NPFFR2: variants seen among roughly 807,000 people sequenced by gnomAD.
NPFFR2 encodes the protein G-protein coupled receptor 74.
A neutral mutation model predicts 13.1 loss-of-function variants in NPFFR2; 15 were observed. The observed-to-expected ratio is 1.15, with a 90% CI of 0.77 to 1.76. The LOEUF is 1.76. Among genes scored for constraint, NPFFR2 ranks in the 40% most tolerant of loss-of-function variants. The pLI is 0.00. For synonymous variants in NPFFR2, 190 were observed against 175.7 expected (o/e 1.08, Z -0.65); for missense variants, 572 against 503.5 (o/e 1.14, Z -1.30).
At chr4:72,086,664 A>T (rs1720781028) in intron 1 of NPFFR2, among the ~76,000 whole-genome samples, 2 of 152,260 alleles carry the variant, frequency 1.3e-5, no homozygotes, top group African/African-American at 4.8e-5. Flanking sequence ...GATTTACATT[A>T]GTTAGTTCTG....
chr4:72,143,544 G>A lies in NPFFR2; in HGVS notation c.429-3434G>A, dbSNP rs1281869704. 5.9e-5 allele frequency among the ~76,000 whole-genome samples: 9 copies of A among 152,116 alleles called. No individual in the cohort carries two copies. The East Asian group carries it at 9.6e-4, about 16-fold the overall frequency. Reference sequence around the variant, plus strand: ...CACTGGGAGGGCAATCCACTTTACCGAATCCACTGACTAAGATGCTAATCT... The same window carrying A: ...CACTGGGAGGGCAATCCACTTTACCAAATCCACTGACTAAGATGCTAATCT... On this transcript the variant is annotated intron_variant, in intron 3 of 3. Coordinates refer to ENST00000308744, the MANE Select transcript of NPFFR2 (RefSeq NM_004885.3).
intron 1 of NPFFR2, among the ~76,000 whole-genome samples, chr4:72,051,833 A>T (rs1377673729): frequency 6.6e-6 from 1 of 152,202 alleles, no homozygotes; most frequent in Non-Finnish European, 1.5e-5. Flanking sequence ...ATCCCACAGA[A>T]GTACAAACTA....
At chr4:72,088,708 C>T (rs901170461) in intron 1 of NPFFR2, among the ~76,000 whole-genome samples, 1 of 151,990 alleles carries the variant, frequency 6.6e-6, no homozygotes, top group African/African-American at 2.4e-5. Context: ...GAGGGAGTGC[C>T]ACTTTTAAAA....
At chr4:72,114,724 G>A (rs1274919970) in intron 1 of NPFFR2, among the ~76,000 whole-genome samples, 1 of 152,090 alleles carries the variant, frequency 6.6e-6, no homozygotes, top group Non-Finnish European at 1.5e-5. Context: ...TTCTATTAGA[G>A]TTTTGCTTTT....
At chr4:72,125,906 C>T (rs566129486) in intron 1 of NPFFR2, among the ~76,000 whole-genome samples, 1 of 152,296 alleles carries the variant, frequency 6.6e-6, no homozygotes, top group East Asian at 1.9e-4. Flanking sequence ...GACAGAGACA[C>T]TTGGGAAGCC....
intron 1 of NPFFR2, among the ~76,000 whole-genome samples, chr4:72,078,056 G>A (rs185975257): frequency 3.3e-5 from 5 of 152,050 alleles, no homozygotes; most frequent in Admixed American, 6.6e-5. Context: ...GAAATAAAAG[G>A]TATCTGCTCT....
In NPFFR2 at chr4:72,059,699, G is replaced by T. The variant is rs139027023; in HGVS notation, c.-8+27499G>T. On this transcript the variant is annotated intron_variant, in intron 1 of 3. Transcript: ENST00000308744. The stretch of plus-strand genomic sequence containing the variant: ...TCTATGGTGCTGTGAACCAAAGTGG[G>T]GTTTCTTCTAATTGCTGAGTATGGA... 5.3e-4 allele frequency among the ~76,000 whole-genome samples: 80 copies of T among 152,092 alleles called. 3 individuals are homozygous for T. In the East Asian group the frequency reaches 0.013, roughly 25 times the overall value.
At chr4:72,035,953 T>C (rs1719029415) in intron 1 of NPFFR2, among the ~76,000 whole-genome samples, 1 of 152,146 alleles carries the variant, frequency 6.6e-6, no homozygotes, top group Non-Finnish European at 1.5e-5. Flanking sequence ...AAGTCTCAGT[T>C]GATCCATATT....
chr4:72,033,138 G>A (rs1718968564), intron 1 of NPFFR2, among the ~76,000 whole-genome samples: 1 of 152,120 alleles, frequency 6.6e-6, no homozygotes, highest in South Asian at 2.1e-4. Flanking sequence ...TGTAAACTGT[G>A]AAGGACATAT....
intron 2 of NPFFR2, among the ~76,000 whole-genome samples, chr4:72,132,653 A>G (rs1221489410): frequency 9.2e-5 from 14 of 152,166 alleles, no homozygotes; most frequent in Admixed American, 9.2e-4. Context: ...CAATTTTGCC[A>G]ACATCTGTTA....
At chr4:72,050,859 C>T (rs562043395) in intron 1 of NPFFR2, among the ~76,000 whole-genome samples, 19 of 149,520 alleles carry the variant, frequency 1.3e-4, no homozygotes, top group African/African-American at 2.0e-4. Flanking sequence ...TGAGAATATG[C>T]GGTGTTTGGT....
intron 1 of NPFFR2, among the ~76,000 whole-genome samples, chr4:72,089,624 C>A (rs1333284444): frequency 6.6e-6 from 1 of 152,046 alleles, no homozygotes; most frequent in Non-Finnish European, 1.5e-5. Flanking sequence ...TGTATATCTT[C>A]TTTTGAGAGT....
chr4:72,115,750 T>C (rs1721696006), intron 1 of NPFFR2, among the ~76,000 whole-genome samples: 1 of 152,230 alleles, frequency 6.6e-6, no homozygotes, highest in African/African-American at 2.4e-5. Flanking sequence ...GCCTTTTGTG[T>C]TCTGGTCCTT....
At chr4:72,079,054 ACACACACAC>A (rs774922591) in intron 1 of NPFFR2, among the ~76,000 whole-genome samples, 514 of 49,682 alleles carry the variant, frequency 0.01, no homozygotes, top group Middle Eastern at 0.029. Context: ...ATAGAACTAA[ACACACACAC>A]ACACACACAC....
chr4:72,035,005 C>T (rs896008566), intron 1 of NPFFR2, among the ~76,000 whole-genome samples: 4 of 152,234 alleles, frequency 2.6e-5, no homozygotes, highest in African/African-American at 9.6e-5. Flanking sequence ...TTTAACTTCT[C>T]TATGTCTAAG....
intron 3 of NPFFR2, among the ~76,000 whole-genome samples, chr4:72,144,890 G>A (rs2109850080): frequency 6.6e-6 from 1 of 152,088 alleles, no homozygotes; most frequent in East Asian, 1.9e-4. Context: ...TTTGCCACTT[G>A]GAATACTGAG....
At chr4:72,142,598 A>G (rs1722665055) in intron 3 of NPFFR2, among the ~76,000 whole-genome samples, 1 of 152,330 alleles carries the variant, frequency 6.6e-6, no homozygotes, top group East Asian at 1.9e-4. Context: ...TTTAAAAGCA[A>G]CATACCTACT....
At chr4:72,051,582 G>T (rs1719583147) in intron 1 of NPFFR2, among the ~76,000 whole-genome samples, 1 of 150,406 alleles carries the variant, frequency 6.6e-6, no homozygotes, top group Non-Finnish European at 1.5e-5. Flanking sequence ...ACAATTGAAA[G>T]AACTAGAGAA....
intron 2 of NPFFR2, among the ~76,000 whole-genome samples, chr4:72,130,196 T>A (rs1722192608): frequency 6.6e-6 from 1 of 152,192 alleles, no homozygotes; most frequent in Non-Finnish European, 1.5e-5. Flanking sequence ...CCCACAATTA[T>A]GTCTTACCTG....
Sources: gnomAD v4.1 joint callset for allele counts (sites outside exome capture counted in the v4.1 genomes callset) on GRCh38, gnomAD v4.1.1 for gene constraint, MANE v1.5 for transcripts, NCBI Gene and HGNC (gene_info 2026-07-23, HGNC 2026-07-21) for gene names.